Variants in PAPOLG observed in about 807,000 individuals in gnomAD.
PAPOLG encodes the protein PAP-gamma.
In PAPOLG, 40 loss-of-function variants were observed where a neutral mutation model predicts 99.0. The observed-to-expected ratio is 0.40, with a 90% CI of 0.31 to 0.53. The LOEUF (loss-of-function observed/expected upper bound fraction) is 0.53. Ranked by LOEUF, PAPOLG falls within the 20% of genes least tolerant of loss-of-function variation. The probability of loss-of-function intolerance (pLI) is 0.41; values close to 1 mark genes in which losing one functional copy is unlikely to be tolerated. For missense variants in PAPOLG, 675 were observed against 884.1 expected (o/e 0.76, Z 3.00); for synonymous variants, 310 against 299.3 (o/e 1.04, Z -0.37).
chr2:60,796,794 C>T (rs951733504), intron 21 of PAPOLG, among the ~76,000 whole-genome samples: 12 of 152,056 alleles, frequency 7.9e-5, no homozygotes, highest in Non-Finnish European at 1.8e-4. Context: ...GGCAGTTCCT[C>T]TTTTCCTGTA....
At chr2:60,791,906 C>A (rs2103822700) in intron 16 of PAPOLG, 24 bp downstream of exon 16, 1 of 1,606,044 alleles carries the variant, frequency 6.2e-7, no homozygotes, top group East Asian at 2.2e-5. Flanking sequence ...CTTAACCCTT[C>A]AGTATGGTTT....
In PAPOLG at chr2:60,797,139, T is replaced by C. The variant is rs761044223; in HGVS notation, c.2190T>C (p.Ile730=). 6.2e-7 allele frequency: 1 copy of C among 1,614,112 alleles called. No individual in the cohort carries two copies. The change falls in exon 22 of 22, where the codon ATT becomes ATC. Residue 730 remains isoleucine, a synonymous_variant. Transcript: ENST00000238714. Reference sequence around the variant, plus strand: ...ACATCCGTGTCATCAAAAATTCCATTCGACTGACCCTTAATCGGTAAAAGC... The same window carrying C: ...ACATCCGTGTCATCAAAAATTCCATCCGACTGACCCTTAATCGGTAAAAGC... ...ANNIRVIKNS[I]RLTLNR
chr2:60,760,011 A>G (rs918384277), intron 1 of PAPOLG, 123 bp from the exon 2 acceptor site: 10 of 947,254 alleles, frequency 1.1e-5, no homozygotes, highest in Non-Finnish European at 1.6e-5. Flanking sequence ...GTCTGCCACT[A>G]CTGTTATTAC....
intron 19 of PAPOLG, 55 bp from the exon 20 acceptor site, chr2:60,794,655 T>C (rs1671642529): frequency 1.4e-6 from 2 of 1,447,234 alleles, no homozygotes; most frequent in Admixed American, 3.6e-5. Flanking sequence ...TATATAGATT[T>C]ATATGGGTTT....
At chr2:60,774,753 A>C (rs1304632051) in intron 7 of PAPOLG, among the ~76,000 whole-genome samples, 1 of 152,198 alleles carries the variant, frequency 6.6e-6, no homozygotes, top group Non-Finnish European at 1.5e-5. Flanking sequence ...CATTGAAGTA[A>C]TTACAGTGTT....
chr2:60,770,620 C>G (rs1489877901), intron 6 of PAPOLG, 109 bp downstream of exon 6: 1 of 659,076 alleles, frequency 1.5e-6, no homozygotes, highest in Non-Finnish European at 2.4e-6. Context: ...ATCAAGTAAT[C>G]TCTTTTTTTT....
intron 9 of PAPOLG, 65 bp from the exon 10 acceptor site, chr2:60,780,636 AATAATT>A: frequency 6.9e-7 from 1 of 1,451,490 alleles, no homozygotes; most frequent in Non-Finnish European, 9.6e-7. Context: ...AGAACAATCT[AATAATT>A]ATAAAGTTTC....
chr2:60,796,279 G>A (rs1055567424), intron 21 of PAPOLG, among the ~76,000 whole-genome samples: 27 of 140,884 alleles, frequency 1.9e-4, no homozygotes, highest in African/African-American at 6.1e-4. Context: ...GTGCAATGGC[G>A]CGATCTTTTT....
chr2:60,760,660 G>A (rs1670496227), intron 2 of PAPOLG, among the ~76,000 whole-genome samples: 1 of 152,168 alleles, frequency 6.6e-6, no homozygotes, highest in Non-Finnish European at 1.5e-5. Flanking sequence ...TCTTGAAGTG[G>A]TGTATTTGAA....
At chr2:60,763,306 T>C (rs1345913977) in intron 3 of PAPOLG, among the ~76,000 whole-genome samples, 1 of 149,602 alleles carries the variant, frequency 6.7e-6, no homozygotes, top group African/African-American at 2.5e-5. Context: ...GGTCTCAAAC[T>C]CCTGGTCTCC....
At chr2:60,756,695 G>C (rs774860398) in intron 1 of PAPOLG, among the ~76,000 whole-genome samples, 200 bp downstream of exon 1, 7 of 152,032 alleles carry the variant, frequency 4.6e-5, no homozygotes, top group Non-Finnish European at 8.8e-5. Context: ...GCACGGACTC[G>C]GGGACTCCGG....
At chr2:60,761,888 A>G in intron 3 of PAPOLG, 81 bp downstream of exon 3, 1 of 989,244 alleles carries the variant, frequency 1.0e-6, no homozygotes, top group Admixed American at 2.1e-5. Flanking sequence ...AGGTGTTGAG[A>G]AGTATCTGAA....
Position 60,801,082 on chromosome 2 carries a change from A to T in PAPOLG, c.*3922A>T, listed in dbSNP as rs1170532459. 1 of 152,364 alleles carries T rather than the reference A, an allele frequency of 6.6e-6. No individual in the cohort carries two copies. Among genetic ancestry groups the T allele is most frequent in the Non-Finnish European group, 1.5e-5 (1 of 68,032 alleles). 9.4% of individuals were successfully genotyped at this position (152,364 alleles called of 1,614,324 possible). A position where few individuals can be genotyped will look rare whatever the true frequency, so the allele number is the denominator to read the frequency against. ...GTTCAACAAATTTCAACCCAATATTATCACAGTACAATAGCTTAGAATGAT... is the reference window on the plus strand; with the variant it reads ...GTTCAACAAATTTCAACCCAATATTTTCACAGTACAATAGCTTAGAATGAT... On this transcript the variant is annotated 3_prime_UTR_variant, in exon 22 of 22. Coordinates refer to ENST00000238714, the MANE Select transcript of PAPOLG (RefSeq NM_022894.4).
At position 60,760,177 on chromosome 2, in the gene PAPOLG, A is replaced by G; in HGVS notation, c.61A>G (p.Ile21Val). The G allele has an allele frequency of 6.2e-7, 1 of 1,614,022 alleles. No homozygotes were observed. Among genetic ancestry groups the G allele is most frequent in the Non-Finnish European group, 8.5e-7 (1 of 1,179,902 alleles). Residue 21 changes from isoleucine to valine, a missense_variant, in exon 2 of 22, where the codon ATT becomes GTT. Physicochemically the swap from Ile to Val is conservative, Grantham distance 29. Around this residue, in one of 3 missense-constraint regions of PAPOLG, gnomAD observed 149 missense variants for 192.1 expected, o/e 0.78. Coordinates refer to ENST00000238714, the MANE Select transcript of PAPOLG (RefSeq NM_022894.4). Reference protein sequence around the residue: ...DSQRQQKHYGITSPISLASPK... With the variant: ...DSQRQQKHYGVTSPISLASPK... ...CCAGCGTCAACAAAAGCATTATGGAATTACCTCCCCAATTAGTTTGGCATC... is the reference window on the plus strand; with the variant it reads ...CCAGCGTCAACAAAAGCATTATGGAGTTACCTCCCCAATTAGTTTGGCATC...
At chr2:60,783,589 C>T (rs1452363118) in intron 13 of PAPOLG, among the ~76,000 whole-genome samples, 1 of 143,190 alleles carries the variant, frequency 7.0e-6, no homozygotes, top group African/African-American at 2.6e-5. Context: ...CAGCTCACTG[C>T]AACCTCCGCC....
rs537156771 is a variant in PAPOLG at position 60,801,763 on chromosome 2, C to G, written c.*4603C>G. On this transcript the variant is annotated 3_prime_UTR_variant, in exon 22 of 22. Coordinates refer to ENST00000238714, the MANE Select transcript of PAPOLG (RefSeq NM_022894.4). ...CCCTATTTTTTCTGAAATAATTTTT[C>G]GGATATACTTTTATATTTGAAATTA... The G allele has an allele frequency of 6.6e-6, 1 of 152,110 alleles. No homozygotes were observed. The highest frequency in any genetic ancestry group is 2.1e-4 in the South Asian group (1 of 4,820). The allele number at this position is 152,110 out of a possible 1,614,324, so 9.4% of individuals were successfully genotyped here.
chr2:60,782,673 T>A lies in PAPOLG; in HGVS notation c.1028-13T>A. The A allele has an allele frequency of 7.1e-7, 1 of 1,403,312 alleles. No individual in the cohort carries two copies. The highest frequency in any genetic ancestry group is 1.4e-5 in the South Asian group (1 of 69,868). The allele number at this position is 1,403,312 out of a possible 1,614,324, so 86.9% of individuals were successfully genotyped here. On this transcript the variant is annotated splice_polypyrimidine_tract_variant and intron_variant, in intron 11 of 21. Coordinates refer to ENST00000238714, the MANE Select transcript of PAPOLG (RefSeq NM_022894.4). ...TTCTTCTTTTTTTTTTTTTTTTTTT[T>A]TTTTTAATTTAGGTCTTGCAGTCAC...
chr2:60,770,646 TG>T (rs1283453587), intron 6 of PAPOLG, 135 bp downstream of exon 6: 1 of 572,254 alleles, frequency 1.7e-6, no homozygotes, highest in Admixed American at 3.7e-5. Flanking sequence ...AATGAAGAGA[TG>T]GGGTCTAACT....
intron 13 of PAPOLG, among the ~76,000 whole-genome samples, chr2:60,783,499 C>CTTTT: frequency 1.2e-5 from 1 of 84,798 alleles, no homozygotes; most frequent in Admixed American, 1.2e-4. Flanking sequence ...CTTTACCCGG[C>CTTTT]CTTTTTTTTT....
Sources: allele counts gnomAD v4.1 joint callset (sites outside exome capture counted in the v4.1 genomes callset), GRCh38; gene constraint gnomAD v4.1.1; regional missense constraint gnomAD v4.1.1; transcripts MANE v1.5; gene names NCBI Gene and HGNC (gene_info 2026-07-23, HGNC 2026-07-21).